Variants in PSMB8 observed in about 807,000 individuals in gnomAD.
The protein encoded by PSMB8 is proteasome 20S subunit beta 8, also known as proteasome subunit beta type-8.
PSMB8 carries 20 observed loss-of-function variants against 32.3 expected under a neutral mutation model. The observed-to-expected ratio is 0.62, with a 90% CI of 0.44 to 0.90. PSMB8 has a LOEUF of 0.90. Among genes scored for constraint, PSMB8 ranks in the 40% least tolerant of loss-of-function variants. PSMB8 has a pLI of 0.00. For synonymous variants in PSMB8, 131 were observed against 135.4 expected (o/e 0.97, Z 0.23); for missense variants, 342 against 365.4 (o/e 0.94, Z 0.52).
intron 5 of PSMB8, 79 bp downstream of exon 5, chr6:32,841,452 G>A (rs1261816351): frequency 1.7e-5 from 25 of 1,436,104 alleles, no homozygotes; most frequent in Non-Finnish European, 2.3e-5. Flanking sequence ...TGGCCAGGCT[G>A]GTTTCTCAAT....
At chr6:32,841,819 A>G (rs1769926288) in intron 4 of PSMB8, 84 bp from the exon 5 acceptor site, 21 of 1,321,600 alleles carry the variant, frequency 1.6e-5, no homozygotes, top group Non-Finnish European at 2.2e-5. Flanking sequence ...TAAAAAGTGA[A>G]CAAAAGAATT....
rs1770059702 is a variant in PSMB8 at position 32,843,364 on chromosome 6, G to A, written c.148-275C>T. On this transcript the variant is annotated intron_variant, in intron 1 of 5. Coordinates refer to ENST00000374882, the MANE Select transcript of PSMB8 (RefSeq NM_148919.4). ...AAAAAATTTTGAGAGTGACTTAAAG[G>A]GTTTCTTCCATGCATAAAGCATTCA... 2.0e-5 allele frequency among the ~76,000 whole-genome samples: 3 copies of A among 152,088 alleles called. No individual in the cohort carries two copies. In the South Asian group the frequency reaches 6.2e-4, roughly 32 times the overall value.
At position 32,843,992 on chromosome 6, in the gene PSMB8, G is replaced by T. The variant is rs1770132397; in HGVS notation, c.5C>A (p.Ala2Glu). 6.2e-7 allele frequency: 1 copy of T among 1,611,294 alleles called. No individual in the cohort carries two copies. The highest frequency in any genetic ancestry group is 1.7e-5 in the Admixed American group (1 of 59,954). Residue 2 changes from alanine to glutamate, a missense_variant, in exon 1 of 6, where the codon GCG becomes GAG. Coordinates refer to ENST00000374882, the MANE Select transcript of PSMB8 (RefSeq NM_148919.4). Reference sequence around the variant, plus strand: ...GGGGGCTCCGCATACATCTAGTAGCGCCATGACCGCCCAGCACCCAGAGAT... The same window carrying T: ...GGGGGCTCCGCATACATCTAGTAGCTCCATGACCGCCCAGCACCCAGAGAT... Reference protein sequence around the residue: MALLDVCGAPRG... With the variant: MELLDVCGAPRG...
intron 4 of PSMB8, 82 bp downstream of exon 4, chr6:32,842,052 G>A: frequency 6.2e-7 from 1 of 1,602,078 alleles, no homozygotes; most frequent in Non-Finnish European, 8.5e-7. Flanking sequence ...TGTCAGGGAG[G>A]GAGTAGGAGT....
chr6:32,842,943 A>T lies in PSMB8; in HGVS notation c.294T>A (p.Ile98=), dbSNP rs765474306. 6.2e-7 allele frequency: 1 copy of T among 1,613,552 alleles called. No homozygotes were observed. The change falls in exon 2 of 6, where the codon ATT becomes ATA. Residue 98 remains isoleucine, a splice_region_variant and synonymous_variant. Transcript: ENST00000374882. ...GCCTGCTGGAGCGTATACACTCACT[A>T]ATGTAGGACCCAGCTGAGGCCCGAG... The part of the protein sequence containing the change: ...VDSRASAGSY[I]SALRVNKVIE...
chr6:32,841,474 C>A lies in PSMB8; in HGVS notation c.742+57G>T, dbSNP rs374253387. On this transcript the variant is annotated intron_variant, in intron 5 of 5. Transcript: ENST00000374882. ...GCTGGTTTCTCAATCTTAAATCACC[C>A]CCCCCACCACCCGCCGACTCCTCCC... is the stretch of plus-strand genomic sequence containing the variant. The A allele has an allele frequency of 2.9e-4, 450 of 1,551,040 alleles. 3 individuals are homozygous for A. The South Asian group carries it at 4.3e-3, about 15-fold the overall frequency.
In PSMB8 at chr6:32,840,757, C is replaced by A. The variant is rs914036226; in HGVS notation, c.*202G>T. On this transcript the variant is annotated 3_prime_UTR_variant, in exon 6 of 6. Coordinates refer to ENST00000374882, the MANE Select transcript of PSMB8 (RefSeq NM_148919.4). ...TTCTTTATTCTACTTAGTGGGGCACCCAGAAACTTCCCTGGGGGAAATGCT... is the reference window on the plus strand; with the variant it reads ...TTCTTTATTCTACTTAGTGGGGCACACAGAAACTTCCCTGGGGGAAATGCT... 7.4e-5 allele frequency: 45 copies of A among 606,906 alleles called. No homozygotes were observed. In the Admixed American group the frequency reaches 1.2e-3, roughly 17 times the overall value. The allele number at this position is 606,906 out of a possible 1,614,324, so 37.6% of individuals were successfully genotyped here. A position where few individuals can be genotyped will look rare whatever the true frequency, so the allele number is the denominator to read the frequency against.
Position 32,841,028 on chromosome 6 carries a change from A to G in PSMB8, c.762T>C (p.Asp254=), listed in dbSNP as rs369525405. The change falls in exon 6 of 6, where the codon GAT becomes GAC. Residue 254 remains aspartate, a synonymous_variant. Transcript: ENST00000374882. ...GVVNMYHMKE[D]GWVKVESTDV... ...CTGTACTTTCTACTTTCACCCAACC[A>G]TCTTCCTTCATGTGGTACACTGTGG... 46 of 1,612,294 alleles carry G rather than the reference A, an allele frequency of 2.9e-5. No individual in the cohort carries two copies. The highest frequency in any genetic ancestry group is 7.7e-5 in the South Asian group (7 of 91,056).
Position 32,840,815 on chromosome 6 carries a change from T to G in PSMB8, c.*144A>C. The G allele has an allele frequency of 1.4e-6, 1 of 698,664 alleles. No homozygotes were observed. Among genetic ancestry groups the G allele is most frequent in the Admixed American group, 2.3e-5 (1 of 44,300 alleles). 43.3% of individuals were successfully genotyped at this position (698,664 alleles called of 1,614,324 possible). A position where few individuals can be genotyped will look rare whatever the true frequency, so the allele number is the denominator to read the frequency against. On this transcript the variant is annotated 3_prime_UTR_variant, in exon 6 of 6. Transcript: ENST00000374882. ...ATAGAGAACACGCAGAAGATGCACTTCACCGGCCTCCTCTGGCTGCTGAGC... is the reference window on the plus strand; with the variant it reads ...ATAGAGAACACGCAGAAGATGCACTGCACCGGCCTCCTCTGGCTGCTGAGC...
chr6:32,843,548 A>G (rs1420194603), intron 1 of PSMB8, among the ~76,000 whole-genome samples: 3 of 152,158 alleles, frequency 2.0e-5, no homozygotes, highest in Non-Finnish European at 4.4e-5. Context: ...CACACCTCCT[A>G]TATCATGTGA....
upstream of PSMB8, chr6:32,844,234 G>A (rs1770158849): frequency 6.8e-6 from 11 of 1,609,732 alleles, no homozygotes; most frequent in Non-Finnish European, 9.3e-6. Flanking sequence ...AAAGGAACAG[G>A]CGCCTTCAAA....
chr6:32,842,656 G>A lies in PSMB8; in HGVS notation c.407+16C>T, dbSNP rs1277053849. ...AACCACTAGGCTAAGAAAGGAAGAT[G>A]AGAGGCCTCGCTTACCTGCATTCCT... is the stretch of plus-strand genomic sequence containing the variant. On this transcript the variant is annotated intron_variant, in intron 3 of 5. Coordinates refer to ENST00000374882, the MANE Select transcript of PSMB8 (RefSeq NM_148919.4). 1 of 1,592,742 alleles carries A rather than the reference G, an allele frequency of 6.3e-7. No individual in the cohort carries two copies. The highest frequency in any genetic ancestry group is 1.3e-5 in the African/African-American group (1 of 74,476).
chr6:32,843,790 A>G, intron 1 of PSMB8, 60 bp downstream of exon 1: 2 of 1,596,178 alleles, frequency 1.3e-6, no homozygotes, highest in Non-Finnish European at 1.7e-6. Context: ...CTCTCAGGCG[A>G]CCCTCCACTC....
chr6:32,843,735 G>C, intron 1 of PSMB8, 115 bp downstream of exon 1: 2 of 1,324,394 alleles, frequency 1.5e-6, no homozygotes, highest in South Asian at 2.4e-5. Flanking sequence ...CGGGACTGAA[G>C]GCTACCCCCG....
rs1769928014 is a variant in PSMB8 at position 32,841,849 on chromosome 6, T to C, written c.538-114A>G. The C allele has an allele frequency of 1.3e-5, 16 of 1,186,582 alleles. No homozygotes were observed. The East Asian group carries it at 2.8e-4, about 21-fold the overall frequency. 73.5% of individuals were successfully genotyped at this position (1,186,582 alleles called of 1,614,324 possible). ...AGAATTAATATTACCACAAGAACAT[T>C]GGAATTAGGAAACCACTTTGGTAAA... On this transcript the variant is annotated intron_variant, in intron 4 of 5. Transcript: ENST00000374882.
At chr6:32,844,521 G>A (rs534309926), upstream of PSMB8, 13 of 1,368,362 alleles carry the variant, frequency 9.5e-6, no homozygotes, top group African/African-American at 1.7e-4. Context: ...GGAAGGCGGC[G>A]CCAGGGAGAG....
At chr6:32,842,825 T>C (rs1216829634) in intron 2 of PSMB8, 42 bp from the exon 3 acceptor site, 8 of 1,607,474 alleles carry the variant, frequency 5.0e-6, no homozygotes, top group Admixed American at 1.7e-5. Flanking sequence ...GATGACCCCA[T>C]AGATCCCCCA....
upstream of PSMB8, chr6:32,844,134 C>T (rs1325821129): frequency 6.6e-7 from 1 of 1,507,732 alleles, no homozygotes; most frequent in African/African-American, 1.4e-5. Flanking sequence ...GTGCCTGGAC[C>T]AGGACCATCA....
intron 4 of PSMB8, 113 bp downstream of exon 4, chr6:32,842,021 C>G: frequency 6.6e-7 from 1 of 1,526,608 alleles, no homozygotes; most frequent in Non-Finnish European, 9.0e-7. Context: ...TATAACCAAG[C>G]ACTCTATATG....
Sources: allele counts gnomAD v4.1 joint callset (sites outside exome capture counted in the v4.1 genomes callset), GRCh38; gene constraint gnomAD v4.1.1; transcripts MANE v1.5; gene names NCBI Gene and HGNC (gene_info 2026-07-23, HGNC 2026-07-21).